Variants in NAA25 observed in about 807,000 individuals in gnomAD.
The protein encoded by NAA25 is N-terminal acetyltransferase B complex subunit NAA25.
In NAA25, 30 loss-of-function variants were observed where a neutral mutation model predicts 132.5. That is an observed-to-expected ratio of 0.23 (90% CI 0.17 to 0.31). The LOEUF (loss-of-function observed/expected upper bound fraction) is 0.31, where lower values mean the gene tolerates loss of function less well. Among genes scored for constraint, NAA25 ranks in the 10% least tolerant of loss-of-function variants. The pLI, the probability that NAA25 is intolerant of heterozygous loss-of-function variation, is 1.00. For missense variants in NAA25, 771 were observed against 1,150.4 expected, an observed-to-expected ratio of 0.67 and a Z score of 4.77; for synonymous variants, 359 against 401.9, an observed-to-expected ratio of 0.89 and a Z score of 1.28.
intron 22 of NAA25, chr12:112,033,829 CATT>C (rs1373119215): frequency 6.6e-5 from 10 of 150,900 alleles, no homozygotes; most frequent in Non-Finnish European, 1.3e-4. Context: ...GGATTAGTAA[CATT>C]ATTATGTTAA....
intron 4 of NAA25, among the ~76,000 whole-genome samples, chr12:112,087,269 C>T (rs7304572): frequency 0.34 from 51,700 of 151,956 alleles, 12,575 homozygotes; most frequent in East Asian, 0.85. Flanking sequence ...CCCTGGTGGA[C>T]TTAAAAATCT....
chr12:112,050,073 G>C (rs2078440801), intron 15 of NAA25, among the ~76,000 whole-genome samples: 1 of 147,994 alleles, frequency 6.8e-6, no homozygotes, highest in Non-Finnish European at 1.5e-5. Flanking sequence ...AAAGGCAATA[G>C]CTTTTCAAAG....
chr12:112,067,799 G>C (rs938358687), intron 11 of NAA25, among the ~76,000 whole-genome samples: 5 of 152,160 alleles, frequency 3.3e-5, no homozygotes, highest in Admixed American at 3.3e-4. Context: ...TGGTTGCTGT[G>C]ATCTCAGATC....
intron 3 of NAA25, chr12:112,090,511 C>T (rs1024999300): frequency 1.9e-5 from 8 of 426,782 alleles, no homozygotes; most frequent in Non-Finnish European, 3.3e-5. Flanking sequence ...CAAAATATCA[C>T]AAATGAAGTC....
chr12:112,060,658 C>T (rs2078614641), intron 12 of NAA25, among the ~76,000 whole-genome samples: 1 of 152,134 alleles, frequency 6.6e-6, no homozygotes, highest in South Asian at 2.1e-4. Flanking sequence ...GAACATAAGC[C>T]AAGTGCCATG....
chr12:112,040,702 T>C (rs2078290099), intron 20 of NAA25, 124 bp from the exon 21 acceptor site: 1 of 610,402 alleles, frequency 1.6e-6, no homozygotes, highest in South Asian at 2.1e-5. Context: ...GTTTTTCATT[T>C]TCCATAATGA....
chr12:112,101,868 C>T (rs2079301411), intron 1 of NAA25, among the ~76,000 whole-genome samples: 1 of 142,262 alleles, frequency 7.0e-6, no homozygotes, highest in African/African-American at 2.6e-5. Flanking sequence ...ATCTTTTCAA[C>T]TTTTTTTTTT....
chr12:112,044,752 A>G (rs917365616), intron 17 of NAA25, among the ~76,000 whole-genome samples: 1 of 151,532 alleles, frequency 6.6e-6, no homozygotes, highest in Admixed American at 6.6e-5. Context: ...TATAAAAATA[A>G]TACATGAGGA....
At chr12:112,105,579 C>T (rs1250665692) in intron 1 of NAA25, among the ~76,000 whole-genome samples, 1 of 152,128 alleles carries the variant, frequency 6.6e-6, no homozygotes, top group Non-Finnish European at 1.5e-5. Flanking sequence ...AAATTTCAAC[C>T]CACCACAATT....
chr12:112,095,619 C>CAA (rs56359298), intron 1 of NAA25, among the ~76,000 whole-genome samples: 4 of 79,042 alleles, frequency 5.1e-5, no homozygotes, highest in African/African-American at 1.9e-4. Flanking sequence ...AACAAACAAA[C>CAA]AAAAAAAAAA....
intron 22 of NAA25, among the ~76,000 whole-genome samples, chr12:112,037,995 A>G (rs573299303): frequency 6.6e-6 from 1 of 152,240 alleles, no homozygotes; most frequent in Admixed American, 6.5e-5. Context: ...CATAATTGAG[A>G]TAAGTGGAAA....
At chr12:112,076,561 C>CA (rs1473836176) in intron 7 of NAA25, among the ~76,000 whole-genome samples, 1 of 151,894 alleles carries the variant, frequency 6.6e-6, no homozygotes, top group Non-Finnish European at 1.5e-5. Context: ...CAACTGAAAA[C>CA]AAAAAAACTA....
chr12:112,087,848 T>A, intron 3 of NAA25, 47 bp from the exon 4 acceptor site: 1 of 1,178,872 alleles, frequency 8.5e-7, no homozygotes, highest in East Asian at 2.3e-5. Context: ...AAGAACATTC[T>A]AATGGCATTT....
chr12:112,093,404 G>A (rs1566032455), intron 1 of NAA25, among the ~76,000 whole-genome samples: 1 of 151,776 alleles, frequency 6.6e-6, no homozygotes, highest in East Asian at 1.9e-4. Flanking sequence ...GCCAGGCAGT[G>A]GTGATGCACA....
rs768900003 is a variant in NAA25, at chr12:112,043,612, G to A, written c.2250+13C>T. ...TTATTGCAACTTTGATGGTAAATAT[G>A]TATTGATGGTACCTGAATATCCTTC... On this transcript the variant is annotated intron_variant, in intron 18 of 23. Coordinates refer to ENST00000261745, the MANE Select transcript of NAA25 (RefSeq NM_024953.4). The A allele has an allele frequency of 1.2e-6, 2 of 1,613,272 alleles. No homozygotes were observed. Among genetic ancestry groups the A allele is most frequent in the Non-Finnish European group, 1.7e-6 (2 of 1,179,506 alleles).
At chr12:112,076,861 T>C (rs1322245514) in intron 7 of NAA25, among the ~76,000 whole-genome samples, 1 of 151,864 alleles carries the variant, frequency 6.6e-6, no homozygotes, top group African/African-American at 2.4e-5. Flanking sequence ...CCAGGTTTGA[T>C]GGCATACGCC....
intron 9 of NAA25, among the ~76,000 whole-genome samples, chr12:112,073,530 G>A (rs1282370096): frequency 6.6e-6 from 1 of 152,022 alleles, no homozygotes; most frequent in Admixed American, 6.6e-5. Flanking sequence ...TCCGCCTCCC[G>A]GGTTCACGCC....
intron 1 of NAA25, among the ~76,000 whole-genome samples, chr12:112,093,439 G>A (rs2079166380): frequency 1.3e-5 from 2 of 152,088 alleles, no homozygotes; most frequent in South Asian, 4.1e-4. Flanking sequence ...TACTCGGGAG[G>A]CTGAGGCACG....
chr12:112,047,855 G>C, intron 16 of NAA25, 65 bp from the exon 17 acceptor site: 1 of 1,465,904 alleles, frequency 6.8e-7, no homozygotes, highest in Non-Finnish European at 9.3e-7. Context: ...TTATTAATCA[G>C]GACTTCCTGT....
Sources: allele counts gnomAD v4.1 joint callset (sites outside exome capture counted in the v4.1 genomes callset), GRCh38; gene constraint gnomAD v4.1.1; transcripts MANE v1.5; gene names NCBI Gene and HGNC (gene_info 2026-07-23, HGNC 2026-07-21).